Variants in RELN observed in about 807,000 individuals in gnomAD.
The protein encoded by RELN is reelin.
RELN carries 108 observed loss-of-function variants against 427.6 expected under a neutral mutation model. The ratio of observed to expected loss-of-function variants is 0.25; its 90% CI spans 0.22 to 0.30. The LOEUF (loss-of-function observed/expected upper bound fraction) is 0.30. Among genes scored for constraint, RELN ranks in the 10% least tolerant of loss-of-function variants. RELN has a pLI of 1.00. For synonymous variants in RELN, 1,524 were observed against 1,513.4 expected, an observed-to-expected ratio of 1.01 and a Z score of -0.16; for missense variants, 3,715 against 4,302.8, an observed-to-expected ratio of 0.86 and a Z score of 3.82.
chr7:103,826,069 T>A (rs1238892830), intron 3 of RELN, among the ~76,000 whole-genome samples: 1 of 150,336 alleles, frequency 6.7e-6, no homozygotes, highest in Non-Finnish European at 1.5e-5. Context: ...AGGAATGGGT[T>A]CCTGATAAAA....
intron 2 of RELN, among the ~76,000 whole-genome samples, chr7:103,897,954 C>T (rs182086544): frequency 2.6e-5 from 4 of 152,192 alleles, no homozygotes; most frequent in African/African-American, 9.6e-5. Context: ...TTGGATTGAT[C>T]GCTTTTTAAC....
At position 103,935,712 on chromosome 7, in the gene RELN, G is replaced by T. The variant is rs563718699; in HGVS notation, c.227-18527C>A. On this transcript the variant is annotated intron_variant, in intron 1 of 64. Transcript: ENST00000428762. ...TCTCAATGACATTTAAATTCAACCTGCCTAAACCTGAATACATAATTATGT... is the reference window on the plus strand; with the variant it reads ...TCTCAATGACATTTAAATTCAACCTTCCTAAACCTGAATACATAATTATGT... Among the ~76,000 whole-genome samples, 49 of 152,206 alleles carry T rather than the reference G, an allele frequency of 3.2e-4. No homozygotes were observed. In the East Asian group the frequency reaches 9.3e-3, roughly 29 times the overall value.
intron 60 of RELN, among the ~76,000 whole-genome samples, chr7:103,487,306 A>G (rs1828475412): frequency 6.6e-6 from 1 of 151,958 alleles, no homozygotes. Flanking sequence ...CCTAATGTAG[A>G]TGATGGATTG....
rs777843062 is a variant in RELN at position 103,510,930 on chromosome 7, C to T, written c.8195G>A (p.Cys2732Tyr). ...FCDSPDGVMLCGSHDGREVYA... is the reference protein window; with the variant it reads ...FCDSPDGVMLYGSHDGREVYA... ...CACCTCCCGTCCATCATGACTGCCACAGAGCATCACACCATCAGGGGAGTC... is the reference window on the plus strand; with the variant it reads ...CACCTCCCGTCCATCATGACTGCCATAGAGCATCACACCATCAGGGGAGTC... Residue 2732 changes from cysteine to tyrosine, a missense_variant, in exon 51 of 65, where the codon TGT (cysteine) becomes TAT (tyrosine). This residue lies in a region of RELN where 1,310 missense variants were observed against 1,643.0 expected (regional missense o/e 0.80). Coordinates refer to ENST00000428762, the MANE Select transcript of RELN (RefSeq NM_005045.4). 1.9e-6 allele frequency: 3 copies of T among 1,612,646 alleles called. No individual in the cohort carries two copies. The highest frequency in any genetic ancestry group is 2.5e-6 in the Non-Finnish European group (3 of 1,178,684).
At chr7:103,781,523 T>C (rs1337641153) in intron 3 of RELN, among the ~76,000 whole-genome samples, 1 of 152,156 alleles carries the variant, frequency 6.6e-6, no homozygotes, top group East Asian at 1.9e-4. Context: ...TCATCGTTTT[T>C]GTGGTGAGAT....
At chr7:103,759,292 A>G (rs1402249673) in intron 4 of RELN, among the ~76,000 whole-genome samples, 4 of 152,168 alleles carry the variant, frequency 2.6e-5, no homozygotes, top group African/African-American at 9.6e-5. Context: ...GTGAATGATT[A>G]CGTGGAACAG....
rs1349382300 is a variant in RELN, at chr7:103,540,286, G to A, written c.6841C>T (p.Pro2281Ser). 1.9e-6 allele frequency: 3 copies of A among 1,614,178 alleles called. No individual in the cohort carries two copies. Among genetic ancestry groups the A allele is most frequent in the Non-Finnish European group, 2.5e-6 (3 of 1,180,036 alleles). The part of the protein sequence containing the change: ...NVGRYIALEI[P>S]LKARSGSTRL... ...GTAGAACCAGAACGGGCTTTCAAGG[G>A]TATCTCCAGGGCAATGTACCTGCCC... The change falls in exon 44 of 65, where the codon CCC (proline) becomes TCC (serine). Residue 2281 changes from proline to serine, a missense_variant. Around this residue, in one of 4 missense-constraint regions of RELN, gnomAD observed 1,310 missense variants for 1,643.0 expected, o/e 0.80. Transcript: ENST00000428762.
At chr7:103,746,571 AAAAC>A (rs1398107903) in intron 6 of RELN, among the ~76,000 whole-genome samples, 3 of 152,196 alleles carry the variant, frequency 2.0e-5, no homozygotes, top group African/African-American at 4.8e-5. Context: ...TTACAAGAAA[AAAAC>A]AAACAACCCC....
chr7:103,600,289 T>C (rs2117262859), intron 24 of RELN, among the ~76,000 whole-genome samples: 1 of 152,298 alleles, frequency 6.6e-6, no homozygotes, highest in South Asian at 2.1e-4. Flanking sequence ...TTCAACATGC[T>C]TGCTGGTGGG....
intron 16 of RELN, among the ~76,000 whole-genome samples, chr7:103,641,419 T>C (rs1336244915): frequency 6.6e-6 from 1 of 152,206 alleles, no homozygotes; most frequent in Non-Finnish European, 1.5e-5. Context: ...TACCTGCCAA[T>C]TAACAGGTGG....
Position 103,596,655 on chromosome 7 carries a change from T to C in RELN, c.3340A>G (p.Lys1114Glu), listed in dbSNP as rs779479899. The change falls in exon 25 of 65, where the codon AAA becomes GAA. Residue 1114 changes from lysine to glutamate, a missense_variant. Around this residue, in one of 4 missense-constraint regions of RELN, gnomAD observed 2,208 missense variants for 2,361.7 expected, o/e 0.93. Coordinates refer to ENST00000428762, the MANE Select transcript of RELN (RefSeq NM_005045.4). ...AGGTCCCAACTCACCAGCTGTCTTT[T>C]CCCAGCCTTTCAGAAAAGAAGAAAA... ...GSSLYFSKAG[K>E]RQLVSWDLDT... 5 of 1,613,872 alleles carry C rather than the reference T, an allele frequency of 3.1e-6. No individual in the cohort carries two copies. In the South Asian group the frequency reaches 5.5e-5, roughly 18 times the overall value.
chr7:103,839,993 A>G (rs1438328976), intron 2 of RELN, among the ~76,000 whole-genome samples: 1 of 152,128 alleles, frequency 6.6e-6, no homozygotes, highest in Non-Finnish European at 1.5e-5. Flanking sequence ...GGTTGTTTGA[A>G]AGTGTGTAAC....
chr7:103,836,812 A>G (rs1041666779), intron 2 of RELN, among the ~76,000 whole-genome samples: 3 of 152,180 alleles, frequency 2.0e-5, no homozygotes, highest in Non-Finnish European at 2.9e-5. Flanking sequence ...CTTAATTCCA[A>G]CACAGCACTT....
chr7:103,886,870 C>A lies in RELN; in HGVS notation c.337+30205G>T, dbSNP rs1794735657. On this transcript the variant is annotated intron_variant, in intron 2 of 64. Coordinates refer to ENST00000428762, the MANE Select transcript of RELN (RefSeq NM_005045.4). Reference sequence around the variant, plus strand: ...CACCACCCTTGAACTCACTTGCTAGCAACCTAGTAAAGATAGAAAGTGGAC... The same window carrying A: ...CACCACCCTTGAACTCACTTGCTAGAAACCTAGTAAAGATAGAAAGTGGAC... 2.0e-5 allele frequency among the ~76,000 whole-genome samples: 3 copies of A among 152,256 alleles called. No homozygotes were observed. The South Asian group carries it at 6.2e-4, about 32-fold the overall frequency.
At chr7:103,907,168 A>G (rs1047251673) in intron 2 of RELN, among the ~76,000 whole-genome samples, 6 of 151,522 alleles carry the variant, frequency 4.0e-5, no homozygotes, top group Non-Finnish European at 8.8e-5. Context: ...ATGTAATCCC[A>G]ACACCTTGGG....
intron 4 of RELN, among the ~76,000 whole-genome samples, chr7:103,768,375 C>T (rs1229954143): frequency 6.6e-6 from 1 of 151,862 alleles, no homozygotes; most frequent in African/African-American, 2.4e-5. Context: ...AAAAAAAAAT[C>T]TCTGAATCTG....
At chr7:103,839,302 G>GTTTTTT (rs1793492405) in intron 2 of RELN, among the ~76,000 whole-genome samples, 3 of 75,048 alleles carry the variant, frequency 4.0e-5, no homozygotes, top group African/African-American at 1.5e-4. Flanking sequence ...AGTGGTCTTT[G>GTTTTTT]CTTTTTTTTT....
At chr7:103,589,529 T>C in intron 28 of RELN, 67 bp downstream of exon 28, 1 of 1,023,718 alleles carries the variant, frequency 9.8e-7, no homozygotes, top group Non-Finnish European at 1.6e-6. Flanking sequence ...TTACAACATT[T>C]AGGGTTATAG....
chr7:103,832,140 G>C (rs1793289415), intron 3 of RELN, among the ~76,000 whole-genome samples: 1 of 152,142 alleles, frequency 6.6e-6, no homozygotes. Flanking sequence ...CCCAGACACT[G>C]AACTGTTTGT....
Sources: allele counts gnomAD v4.1 joint callset (sites outside exome capture counted in the v4.1 genomes callset), GRCh38; gene constraint gnomAD v4.1.1; regional missense constraint gnomAD v4.1.1; transcripts MANE v1.5; gene names NCBI Gene and HGNC (gene_info 2026-07-23, HGNC 2026-07-21).